FBXO27: variants seen among roughly 807,000 people sequenced by gnomAD.
The protein encoded by FBXO27 is F-box only protein 27.
FBXO27 carries 28 observed loss-of-function variants against 28.3 expected under a neutral mutation model. That is an observed-to-expected ratio of 0.99 (90% CI 0.73 to 1.36). FBXO27 has a LOEUF of 1.36. FBXO27 is among the 40% of genes most tolerant of loss of function. The pLI, the probability that FBXO27 is intolerant of heterozygous loss-of-function variation, is 0.00. For missense variants in FBXO27, 388 were observed against 394.1 expected, an observed-to-expected ratio of 0.98 and a Z score of 0.13; for synonymous variants, 175 against 167.3, an observed-to-expected ratio of 1.05 and a Z score of -0.36.
At chr19:39,018,596 G>T (rs762291312) in intron 1 of FBXO27, among the ~76,000 whole-genome samples, 1 of 152,084 alleles carries the variant, frequency 6.6e-6, no homozygotes, top group Non-Finnish European at 1.5e-5. Flanking sequence ...CGAGAGAGTT[G>T]ATTTGCTTGA....
At chr19:39,031,418 A>C (rs1339476113) in intron 2 of FBXO27, 98 bp from the exon 3 acceptor site, 3 of 1,087,292 alleles carry the variant, frequency 2.8e-6, no homozygotes, top group Non-Finnish European at 2.7e-6. Context: ...CTCACAGTGC[A>C]GCTCACTCAC....
downstream of FBXO27, among the ~76,000 whole-genome samples, chr19:39,019,419 T>C (rs947652987): frequency 1.0e-3 from 73 of 73,292 alleles, no homozygotes; most frequent in African/African-American, 3.7e-3. Flanking sequence ...AGTGAGACTC[T>C]GTCTCAAAAA....
rs760998404 is a variant in FBXO27, at chr19:39,031,915, A to G, written c.313T>C (p.Cys105Arg). The change falls in exon 2 of 6, where the codon TGC (cysteine) becomes CGC (arginine). Residue 105 changes from cysteine to arginine, a missense_variant. Physicochemically the swap from Cys to Arg is radical, Grantham distance 180. Coordinates refer to ENST00000292853, the MANE Select transcript of FBXO27 (RefSeq NM_178820.5). ...NARPCPLGRF[C>R]ARRPIGRNLI... is the part of the protein sequence containing the mutation. ...TTGCGTCCGATGGGTCTGCGCGCGC[A>G]GAAGCGGCCCAGGGGGCAAGGCCTG... is the stretch of plus-strand genomic sequence containing the variant. The G allele has an allele frequency of 6.6e-6, 10 of 1,505,462 alleles. No individual in the cohort carries two copies. The highest frequency in any genetic ancestry group is 7.9e-6 in the Non-Finnish European group (9 of 1,138,652). The allele number at this position is 1,505,462 out of a possible 1,614,324, so 93.3% of individuals were successfully genotyped here.
intron 2 of FBXO27, among the ~76,000 whole-genome samples, chr19:39,008,043 G>A (rs1181041264): frequency 6.6e-6 from 1 of 152,086 alleles, no homozygotes; most frequent in African/African-American, 2.4e-5. Flanking sequence ...GTGAGCGGTT[G>A]CCTGAGCTTA....
At chr19:39,015,675 AACTACATATC>A in intron 1 of FBXO27, among the ~76,000 whole-genome samples, 1 of 152,288 alleles carries the variant, frequency 6.6e-6, no homozygotes, top group East Asian at 1.9e-4. Context: ...GAGGAACCTT[AACTACATATC>A]ACTAAGTAAG....
At chr19:39,028,968 G>A (rs2072887599) in intron 4 of FBXO27, among the ~76,000 whole-genome samples, 1 of 151,240 alleles carries the variant, frequency 6.6e-6, no homozygotes, top group African/African-American at 2.4e-5. Context: ...TTTGAGGCCA[G>A]GTGGTAGAGA....
intron 2 of FBXO27, among the ~76,000 whole-genome samples, chr19:39,006,889 G>A (rs539442720): frequency 6.6e-6 from 1 of 151,836 alleles, no homozygotes; most frequent in Admixed American, 6.6e-5. Context: ...GACCAGCCTG[G>A]GCAACATAGA....
intron 4 of FBXO27, among the ~76,000 whole-genome samples, chr19:39,028,766 G>C (rs2144902309): frequency 1.3e-5 from 2 of 152,214 alleles, no homozygotes; most frequent in Middle Eastern, 3.4e-3. Flanking sequence ...GGGAGGCTGA[G>C]GCAGGAGAAT....
intron 5 of FBXO27, among the ~76,000 whole-genome samples, chr19:39,026,110 C>A (rs2144898633): frequency 6.6e-6 from 1 of 152,208 alleles, no homozygotes; most frequent in Admixed American, 6.6e-5. Context: ...TGCTCAGTGA[C>A]TTTGGCCAAG....
chr19:39,022,546 AG>A (rs2072850515), downstream of FBXO27, among the ~76,000 whole-genome samples: 1 of 151,880 alleles, frequency 6.6e-6, no homozygotes, highest in African/African-American at 2.4e-5. Flanking sequence ...TCCCAGGTTC[AG>A]GTGATCCTCC....
intron 4 of FBXO27, 179 bp downstream of exon 4, chr19:39,030,850 T>C (rs946614923): frequency 1.5e-6 from 1 of 645,814 alleles, no homozygotes; most frequent in Admixed American, 2.6e-5. Context: ...TCAAGTGATC[T>C]GCCTGCCTCG....
chr19:39,012,529 T>C (rs1244981067), intron 2 of FBXO27, among the ~76,000 whole-genome samples: 2 of 152,210 alleles, frequency 1.3e-5, no homozygotes, highest in Non-Finnish European at 2.9e-5. Context: ...AAGGGTTGGA[T>C]ACAAAAGGGA....
intron 1 of FBXO27, among the ~76,000 whole-genome samples, chr19:39,016,947 TG>T (rs35808992): frequency 0.6 from 90,812 of 151,816 alleles, 27,460 homozygotes; most frequent in Middle Eastern, 0.63. Flanking sequence ...TAGCTGGGTG[TG>T]GTGGCATGTG....
intron 5 of FBXO27, among the ~76,000 whole-genome samples, chr19:39,026,570 AT>A (rs745926842): frequency 6.7e-6 from 1 of 150,252 alleles, no homozygotes; most frequent in African/African-American, 2.4e-5. Context: ...TGCCTCCCAG[AT>A]TCAAACGATT....
intron 2 of FBXO27, 78 bp downstream of exon 2, chr19:39,031,786 G>C (rs55978321): frequency 1.2e-5 from 16 of 1,344,274 alleles, no homozygotes; most frequent in African/African-American, 5.1e-5. Flanking sequence ...ACCGGTCCCA[G>C]TGCGGCCCCG....
chr19:39,027,267 C>T (rs773154238), intron 4 of FBXO27, among the ~76,000 whole-genome samples: 7 of 152,052 alleles, frequency 4.6e-5, no homozygotes, highest in East Asian at 3.8e-4. Context: ...GGGGAGTCTC[C>T]GGAAAGACCC....
Position 39,024,048 on chromosome 19 carries a change from T to C in FBXO27, c.*1363A>G, listed in dbSNP as rs1433828423. 2.0e-5 allele frequency: 3 copies of C among 152,214 alleles called. No homozygotes were observed. Among genetic ancestry groups the C allele is most frequent in the South Asian group, 4.1e-4 (2 of 4,830 alleles). 9.4% of individuals were successfully genotyped at this position (152,214 alleles called of 1,614,324 possible). A position where few individuals can be genotyped will look rare whatever the true frequency, so the allele number is the denominator to read the frequency against. On this transcript the variant is annotated 3_prime_UTR_variant, in exon 6 of 6. Coordinates refer to ENST00000292853, the MANE Select transcript of FBXO27 (RefSeq NM_178820.5). Reference sequence around the variant, plus strand: ...TTGGCAAAATAAGAAATTTATTACATATGATTGGCAGATACATGCTGCTGA... The same window carrying C: ...TTGGCAAAATAAGAAATTTATTACACATGATTGGCAGATACATGCTGCTGA...
At chr19:39,019,424 C>CAAAAAAAAAAAAAAAAAAAAAA (rs566451562), downstream of FBXO27, among the ~76,000 whole-genome samples, 1 of 35,418 alleles carries the variant, frequency 2.8e-5, no homozygotes, top group Non-Finnish European at 5.0e-5. Context: ...GACTCTGTCT[C>CAAAAAAAAAAAAAAAAAAAAAA]AAAAAAAAAA....
At chr19:39,010,998 G>GT (rs1394616434) in intron 2 of FBXO27, among the ~76,000 whole-genome samples, 1 of 152,232 alleles carries the variant, frequency 6.6e-6, no homozygotes, top group Non-Finnish European at 1.5e-5. Context: ...TAGCTTTGTA[G>GT]TAAGTTTTGA....
Sources: allele counts gnomAD v4.1 joint callset (sites outside exome capture counted in the v4.1 genomes callset), GRCh38; gene constraint gnomAD v4.1.1; transcripts MANE v1.5; gene names NCBI Gene and HGNC (gene_info 2026-07-23, HGNC 2026-07-21).